Variants in SGTB observed in about 807,000 individuals in gnomAD.
SGTB encodes the protein small glutamine-rich tetratricopeptide repeat-containing protein beta.
A neutral mutation model predicts 43.9 loss-of-function variants in SGTB; 19 were observed. The observed-to-expected ratio is 0.43, with a 90% CI of 0.30 to 0.63. The LOEUF (loss-of-function observed/expected upper bound fraction) is 0.63, where lower values mean the gene tolerates loss of function less well. Ranked by LOEUF, SGTB falls within the 30% of genes least tolerant of loss-of-function variation. SGTB has a pLI of 0.12. For synonymous variants in SGTB, 116 were observed against 117.3 expected (o/e 0.99, Z 0.07); for missense variants, 304 against 358.9 (o/e 0.85, Z 1.24).
intron 3 of SGTB, among the ~76,000 whole-genome samples, chr5:65,711,782 A>G (rs1758050368): frequency 6.6e-6 from 1 of 152,242 alleles, no homozygotes; most frequent in Non-Finnish European, 1.5e-5. Context: ...AAGAAGTTCT[A>G]GAAACAGAGC....
In SGTB at chr5:65,667,365, G is replaced by T. The variant is rs990399876; in HGVS notation, c.*2881C>A. 2 of 152,146 alleles carry T rather than the reference G, an allele frequency of 1.3e-5. No individual in the cohort carries two copies. Among genetic ancestry groups the T allele is most frequent in the African/African-American group, 4.8e-5 (2 of 41,430 alleles). 9.4% of individuals were successfully genotyped at this position (152,146 alleles called of 1,614,324 possible). A position where few individuals can be genotyped will look rare whatever the true frequency, so the allele number is the denominator to read the frequency against. Reference sequence around the variant, plus strand: ...TAATGCACTCAAGATAGTTATGCTAGAAACTTTAACTTCTTATTCAACACT... The same window carrying T: ...TAATGCACTCAAGATAGTTATGCTATAAACTTTAACTTCTTATTCAACACT... On this transcript the variant is annotated 3_prime_UTR_variant, in exon 11 of 11. Coordinates refer to ENST00000381007, the MANE Select transcript of SGTB (RefSeq NM_019072.3).
chr5:65,720,084 T>C (rs1426856384), intron 2 of SGTB, among the ~76,000 whole-genome samples: 4 of 141,288 alleles, frequency 2.8e-5, no homozygotes, highest in Admixed American at 1.4e-4. Flanking sequence ...TCTTTTTCTT[T>C]TTTTTTTTTT....
Position 65,671,339 on chromosome 5 carries a change from C to T in SGTB, c.803+576G>A, listed in dbSNP as rs572377942. On this transcript the variant is annotated intron_variant, in intron 10 of 10. Coordinates refer to ENST00000381007, the MANE Select transcript of SGTB (RefSeq NM_019072.3). ...AGTACCAGGTCACCAATCCTTGGGA[C>T]CCTCTGTAAGCAGAGATACAGTATT... Among the ~76,000 whole-genome samples, 16 of 152,186 alleles carry T rather than the reference C, an allele frequency of 1.1e-4. No individual in the cohort carries two copies. In the South Asian group the frequency reaches 3.1e-3, roughly 30 times the overall value.
chr5:65,711,191 A>T (rs1034561710), intron 3 of SGTB, among the ~76,000 whole-genome samples: 5 of 152,044 alleles, frequency 3.3e-5, no homozygotes, highest in African/African-American at 2.4e-5. Context: ...GATACCACAT[A>T]TATAACACAA....
At chr5:65,672,721 T>A (rs1252808356) in intron 8 of SGTB, among the ~76,000 whole-genome samples, 1 of 152,236 alleles carries the variant, frequency 6.6e-6, no homozygotes, top group Non-Finnish European at 1.5e-5. Flanking sequence ...TATATTTATG[T>A]GCACACATAC....
intron 6 of SGTB, among the ~76,000 whole-genome samples, chr5:65,685,057 C>T (rs963101747): frequency 2.6e-5 from 4 of 152,012 alleles, no homozygotes; most frequent in Admixed American, 6.6e-5. Context: ...GGTATGAAAT[C>T]GTCACATCAG....
chr5:65,671,132 A>G (rs1283650945), intron 10 of SGTB, among the ~76,000 whole-genome samples: 2 of 152,206 alleles, frequency 1.3e-5, no homozygotes, highest in East Asian at 3.8e-4. Context: ...ATGTGTACCT[A>G]AATTGATATA....
intron 8 of SGTB, among the ~76,000 whole-genome samples, chr5:65,678,103 G>A (rs1757317944): frequency 6.6e-6 from 1 of 152,168 alleles, no homozygotes; most frequent in African/African-American, 2.4e-5. Context: ...AAACCCTATT[G>A]TCTCAGTCGA....
At chr5:65,711,700 C>A (rs899433064) in intron 3 of SGTB, among the ~76,000 whole-genome samples, 2 of 152,158 alleles carry the variant, frequency 1.3e-5, no homozygotes, top group Non-Finnish European at 2.9e-5. Flanking sequence ...TTATTTTTCT[C>A]CCAAGTGTAA....
rs539944802 is a variant in SGTB at position 65,713,292 on chromosome 5, T to C, written c.101-228A>G. ...TCCCCCTCACACTCTCCCTTTCCCT[T>C]CTCCTTCCCCTTCCCTCCCTTTCTT... On this transcript the variant is annotated intron_variant, in intron 2 of 10. Coordinates refer to ENST00000381007, the MANE Select transcript of SGTB (RefSeq NM_019072.3). Among the ~76,000 whole-genome samples the C allele has an allele frequency of 3.9e-5, 6 of 152,036 alleles. No individual in the cohort carries two copies. In the South Asian group the frequency reaches 1.2e-3, roughly 32 times the overall value.
intron 5 of SGTB, among the ~76,000 whole-genome samples, chr5:65,687,418 G>A (rs891702816): frequency 2.0e-5 from 3 of 152,144 alleles, no homozygotes; most frequent in Non-Finnish European, 4.4e-5. Flanking sequence ...ATACTTCAAT[G>A]GGTGACACAT....
chr5:65,689,258 T>G (rs1757558112), intron 5 of SGTB, among the ~76,000 whole-genome samples: 1 of 152,214 alleles, frequency 6.6e-6, no homozygotes, highest in Admixed American at 6.5e-5. Context: ...CACTTATCTG[T>G]GTACCTAAAT....
At chr5:65,722,349 C>T (rs1331851044), upstream of SGTB, 3 of 1,545,968 alleles carry the variant, frequency 1.9e-6, no homozygotes, top group Non-Finnish European at 1.7e-6. Flanking sequence ...CACGCGCCCG[C>T]CGCCGCCAGC....
At chr5:65,715,616 C>A (rs1386815007) in intron 2 of SGTB, among the ~76,000 whole-genome samples, 1 of 152,238 alleles carries the variant, frequency 6.6e-6, no homozygotes, top group African/African-American at 2.4e-5. Flanking sequence ...TTTGACATAT[C>A]AGTGAATAAA....
chr5:65,680,067 A>C (rs557223710), intron 8 of SGTB, among the ~76,000 whole-genome samples: 10 of 152,236 alleles, frequency 6.6e-5, no homozygotes, highest in African/African-American at 1.2e-4. Flanking sequence ...AAACTAACAC[A>C]GGAAAAGAAA....
At chr5:65,672,420 A>G (rs548201510) in intron 8 of SGTB, 139 bp from the exon 9 acceptor site, 1 of 1,021,144 alleles carries the variant, frequency 9.8e-7, no homozygotes, top group African/African-American at 1.6e-5. Context: ...TATGCAAAGT[A>G]AAGGGGAATG....
intron 4 of SGTB, among the ~76,000 whole-genome samples, chr5:65,705,435 AG>A (rs1757911318): frequency 1.3e-5 from 2 of 152,198 alleles, no homozygotes; most frequent in Admixed American, 1.3e-4. Context: ...CATGGGTGAC[AG>A]AGTGAAACCC....
chr5:65,696,914 A>C (rs1202309091), intron 5 of SGTB, among the ~76,000 whole-genome samples: 6 of 152,254 alleles, frequency 3.9e-5, no homozygotes, highest in African/African-American at 1.4e-4. Context: ...ATTTTCTAAC[A>C]AATTAAAAAG....
intron 8 of SGTB, among the ~76,000 whole-genome samples, chr5:65,678,789 A>G (rs1757330914): frequency 6.6e-6 from 1 of 152,226 alleles, no homozygotes; most frequent in Admixed American, 6.5e-5. Flanking sequence ...GGCTAGCCAT[A>G]TGGAGAAAAT....
Sources: allele counts gnomAD v4.1 joint callset (sites outside exome capture counted in the v4.1 genomes callset), GRCh38; gene constraint gnomAD v4.1.1; transcripts MANE v1.5; gene names NCBI Gene and HGNC (gene_info 2026-07-23, HGNC 2026-07-21).